OSBP2: variants seen among roughly 807,000 people sequenced by gnomAD.
The protein encoded by OSBP2 is oxysterol binding protein 2, also known as oxysterol-binding protein 2.
Under a neutral mutation model 96.0 loss-of-function variants are expected in OSBP2, and 66 were observed. The observed-to-expected ratio is 0.69, with a 90% CI of 0.56 to 0.84. The LOEUF (loss-of-function observed/expected upper bound fraction) is 0.84, where lower values mean the gene tolerates loss of function less well. Among genes scored for constraint, OSBP2 ranks in the 40% least tolerant of loss-of-function variants. The pLI, the probability that OSBP2 is intolerant of heterozygous loss-of-function variation, is 0.00. For synonymous variants in OSBP2, 525 were observed against 520.9 expected (o/e 1.01, Z -0.11); for missense variants, 1,038 against 1,222.7 (o/e 0.85, Z 2.25).
intron 1 of OSBP2, among the ~76,000 whole-genome samples, chr22:30,717,968 A>G (rs932504426): frequency 6.6e-6 from 1 of 152,346 alleles, no homozygotes; most frequent in Middle Eastern, 3.4e-3. Flanking sequence ...CTCTGAGGTT[A>G]AAGCAGCAGT....
chr22:30,853,623 G>A (rs529030285), intron 2 of OSBP2, among the ~76,000 whole-genome samples: 1 of 152,150 alleles, frequency 6.6e-6, no homozygotes, highest in African/African-American at 2.4e-5. Context: ...TTGAAGTGCT[G>A]AGACGATTTT....
At chr22:30,722,707 TCTC>T (rs2089571719) in intron 1 of OSBP2, among the ~76,000 whole-genome samples, 1 of 151,286 alleles carries the variant, frequency 6.6e-6, no homozygotes, top group Non-Finnish European at 1.5e-5. Context: ...TTTCTTTCTT[TCTC>T]TTTTTTCTTT....
At chr22:30,858,560 C>T (rs910906692) in intron 2 of OSBP2, among the ~76,000 whole-genome samples, 2 of 151,940 alleles carry the variant, frequency 1.3e-5, no homozygotes, top group Non-Finnish European at 2.9e-5. Context: ...ATGGCAAATA[C>T]CTACACACTA....
intron 1 of OSBP2, among the ~76,000 whole-genome samples, chr22:30,711,739 CAAAAAAAAA>C (rs34152986): frequency 1.1e-5 from 1 of 91,848 alleles, no homozygotes; most frequent in Non-Finnish European, 2.1e-5. Flanking sequence ...GACCCTATCT[CAAAAAAAAA>C]AAAAAAAAAA....
intron 2 of OSBP2, among the ~76,000 whole-genome samples, chr22:30,804,209 G>C (rs1490289564): frequency 6.6e-6 from 1 of 152,166 alleles, no homozygotes; most frequent in African/African-American, 2.4e-5. Context: ...GAGAGGGAGT[G>C]GAGAGGGGAG....
intron 2 of OSBP2, among the ~76,000 whole-genome samples, chr22:30,789,233 G>A (rs1055694011): frequency 2.6e-5 from 4 of 152,106 alleles, no homozygotes; most frequent in South Asian, 4.1e-4. Context: ...AGTGCTCAAC[G>A]GCTCTCAGAG....
intron 1 of OSBP2, among the ~76,000 whole-genome samples, chr22:30,737,165 A>G (rs2089868334): frequency 6.6e-6 from 1 of 152,030 alleles, no homozygotes; most frequent in South Asian, 2.1e-4. Flanking sequence ...ACAGGCATGC[A>G]TCACCACACC....
At chr22:30,802,383 A>T (rs2090862126) in intron 2 of OSBP2, among the ~76,000 whole-genome samples, 2 of 152,202 alleles carry the variant, frequency 1.3e-5, no homozygotes, top group Admixed American at 1.3e-4. Context: ...CTAGTTCCCG[A>T]GATAGACTCG....
chr22:30,752,512 G>T, intron 2 of OSBP2, among the ~76,000 whole-genome samples: 1 of 151,598 alleles, frequency 6.6e-6, no homozygotes, highest in Non-Finnish European at 1.5e-5. Context: ...GGATGGTCTC[G>T]ATCTCCTGAC....
At chr22:30,865,621 G>A (rs2039319468) in intron 2 of OSBP2, among the ~76,000 whole-genome samples, 1 of 98,374 alleles carries the variant, frequency 1.0e-5, no homozygotes. Flanking sequence ...GACAAAGCAA[G>A]ACTCCATCTC....
At chr22:30,902,516 T>G in intron 12 of OSBP2, 1 of 1,514,072 alleles carries the variant, frequency 6.6e-7, no homozygotes, top group Non-Finnish European at 9.1e-7. Flanking sequence ...GCTTCAGGGA[T>G]GACTTCTTAG....
intron 2 of OSBP2, among the ~76,000 whole-genome samples, chr22:30,785,796 G>T (rs1242110861): frequency 6.6e-6 from 1 of 152,074 alleles, no homozygotes; most frequent in Admixed American, 6.6e-5. Flanking sequence ...ATGAGATCTG[G>T]TTGTTTGATA....
intron 3 of OSBP2, among the ~76,000 whole-genome samples, chr22:30,877,863 C>A (rs1240097149): frequency 6.6e-6 from 1 of 152,258 alleles, no homozygotes; most frequent in Non-Finnish European, 1.5e-5. Flanking sequence ...GACCACATGA[C>A]CCCCTGTGGC....
intron 12 of OSBP2, chr22:30,902,491 G>GT (rs2040235835): frequency 6.3e-7 from 1 of 1,576,116 alleles, no homozygotes; most frequent in Non-Finnish European, 8.7e-7. Flanking sequence ...CAGAAAAGGT[G>GT]TACCAGATGA....
chr22:30,720,962 C>T (rs756721517), intron 1 of OSBP2, among the ~76,000 whole-genome samples: 5 of 152,264 alleles, frequency 3.3e-5, no homozygotes, highest in South Asian at 4.2e-4. Context: ...CGGTGGCTCA[C>T]GCCTGTAATC....
chr22:30,741,195 A>G lies in OSBP2; in HGVS notation c.679A>G (p.Thr227Ala), dbSNP rs770924441. 11 of 1,614,020 alleles carry G rather than the reference A, an allele frequency of 6.8e-6. No individual in the cohort carries two copies. The African/African-American group carries it at 1.3e-4, about 20-fold the overall frequency. ...TGAAATGGCCCACACGTGCCGTGGAACCATCAACCTGTCCACCGCGCACAT... is the reference window on the plus strand; with the variant it reads ...TGAAATGGCCCACACGTGCCGTGGAGCCATCAACCTGTCCACCGCGCACAT... ...QGEMAHTCRG[T>A]INLSTAHIDT... Residue 227 changes from threonine to alanine, a missense_variant, in exon 2 of 14, where the codon ACC becomes GCC. Around this residue, in one of 3 missense-constraint regions of OSBP2, gnomAD observed 281 missense variants for 273.4 expected, o/e 1.03. Transcript: ENST00000332585.
intron 1 of OSBP2, among the ~76,000 whole-genome samples, chr22:30,729,899 G>C (rs930631244): frequency 6.6e-6 from 1 of 152,016 alleles, no homozygotes; most frequent in Non-Finnish European, 1.5e-5. Context: ...ACTTCAACAC[G>C]TTGATTATGG....
At chr22:30,701,653 A>G (rs116986108) in intron 1 of OSBP2, among the ~76,000 whole-genome samples, 2,746 of 152,170 alleles carry the variant, frequency 0.018, 35 homozygotes, top group Middle Eastern at 0.044. Context: ...TTCAATGTCA[A>G]TTTTGATAAT....
intron 13 of OSBP2, 24 bp from the exon 14 acceptor site, chr22:30,906,173 C>G (rs1478323237): frequency 1.2e-6 from 2 of 1,613,628 alleles, no homozygotes; most frequent in Non-Finnish European, 1.7e-6. Flanking sequence ...GCCCACCCAC[C>G]AGCCCACTGT....
Sources: gnomAD v4.1 joint callset for allele counts (sites outside exome capture counted in the v4.1 genomes callset) on GRCh38, gnomAD v4.1.1 for gene constraint, gnomAD v4.1.1 regional missense constraint, MANE v1.5 for transcripts, NCBI Gene and HGNC (gene_info 2026-07-23, HGNC 2026-07-21) for gene names.